Variants in CCSER1 observed in about 807,000 individuals in gnomAD.
The protein encoded by CCSER1 is coiled-coil serine rich protein 1.
Under a neutral mutation model 82.0 loss-of-function variants are expected in CCSER1, and 41 were observed. The ratio of observed to expected loss-of-function variants is 0.50; its 90% CI spans 0.39 to 0.65. CCSER1 has a LOEUF of 0.65. Among genes scored for constraint, CCSER1 ranks in the 30% least tolerant of loss-of-function variants. The pLI is 0.00. For missense variants in CCSER1, 1,119 were observed against 1,064.2 expected (o/e 1.05, Z -0.72); for synonymous variants, 414 against 383.9 (o/e 1.08, Z -0.92).
At chr4:90,971,368 T>A (rs1291413755) in intron 9 of CCSER1, among the ~76,000 whole-genome samples, 1 of 151,854 alleles carries the variant, frequency 6.6e-6, no homozygotes, top group Non-Finnish European at 1.5e-5. Flanking sequence ...GAGAACTCAC[T>A]CACTATCACA....
chr4:91,393,106 C>T (rs1018947599), intron 10 of CCSER1, among the ~76,000 whole-genome samples: 2 of 151,872 alleles, frequency 1.3e-5, no homozygotes, highest in African/African-American at 4.8e-5. Context: ...CTAAGCAAAT[C>T]TGAATCATGA....
intron 4 of CCSER1, among the ~76,000 whole-genome samples, chr4:90,428,111 A>G (rs28368521): frequency 0.018 from 2,682 of 151,948 alleles, 33 homozygotes; most frequent in African/African-American, 0.038. Flanking sequence ...AAACCAATAT[A>G]TCTGCTAAAA....
intron 10 of CCSER1, among the ~76,000 whole-genome samples, chr4:91,172,110 A>C (rs571822318): frequency 6.6e-6 from 1 of 152,188 alleles, no homozygotes; most frequent in Non-Finnish European, 1.5e-5. Context: ...AAAATCCCAT[A>C]TAAAATGATG....
chr4:90,705,691 T>A (rs995414419), intron 6 of CCSER1, among the ~76,000 whole-genome samples: 1 of 152,120 alleles, frequency 6.6e-6, no homozygotes, highest in African/African-American at 2.4e-5. Context: ...CCTCCCCCAG[T>A]CTCACTGCCT....
chr4:91,349,230 T>C (rs1300249302), intron 10 of CCSER1, among the ~76,000 whole-genome samples: 1 of 152,160 alleles, frequency 6.6e-6, no homozygotes, highest in Non-Finnish European at 1.5e-5. Context: ...TGATTCTCTT[T>C]TTTCAATTTA....
At chr4:91,075,881 G>A (rs1243698424) in intron 9 of CCSER1, among the ~76,000 whole-genome samples, 1 of 152,056 alleles carries the variant, frequency 6.6e-6, no homozygotes, top group Non-Finnish European at 1.5e-5. Context: ...GTCAATAAGA[G>A]TCAGTAAAAA....
At chr4:91,002,227 C>T (rs1167264273) in intron 9 of CCSER1, among the ~76,000 whole-genome samples, 6 of 152,200 alleles carry the variant, frequency 3.9e-5, no homozygotes, top group Non-Finnish European at 8.8e-5. Context: ...AGACAATGTG[C>T]TGAGGCAATG....
At position 91,297,385 on chromosome 4, in the gene CCSER1, A is replaced by ATGTGTGTGTG. The variant is rs57164334; in HGVS notation, c.2217+211421_2217+211430dup. On this transcript the variant is annotated intron_variant, in intron 10 of 10. Coordinates refer to ENST00000509176, the MANE Select transcript of CCSER1 (RefSeq NM_001145065.2). Reference sequence around the variant, plus strand: ...GATGCTTGTGTGTGTGTGTGTGTGTATGTGTGTGTGTGTGTGTGTGTGTGT... The same window carrying ATGTGTGTGTG: ...GATGCTTGTGTGTGTGTGTGTGTGTATGTGTGTGTGTGTGTGTGTGTGTGTGTGTGTGTGT... Among the ~76,000 whole-genome samples the ATGTGTGTGTG allele has an allele frequency of 5.1e-3, 607 of 118,032 alleles. 2 individuals are homozygous for ATGTGTGTGTG. Among genetic ancestry groups the ATGTGTGTGTG allele is most frequent in the Non-Finnish European group, 9.0e-3 (463 of 51,724 alleles). 77.4% of individuals were successfully genotyped at this position (118,032 alleles called of 152,430 possible). A position where few individuals can be genotyped will look rare whatever the true frequency, so the allele number is the denominator to read the frequency against.
At chr4:90,398,497 C>T (rs1034501015) in intron 3 of CCSER1, among the ~76,000 whole-genome samples, 1 of 152,246 alleles carries the variant, frequency 6.6e-6, no homozygotes, top group African/African-American at 2.4e-5. Flanking sequence ...TTGATAAACA[C>T]TCACATCAGT....
intron 9 of CCSER1, among the ~76,000 whole-genome samples, chr4:91,042,443 G>A (rs1251377932): frequency 6.6e-6 from 1 of 152,080 alleles, no homozygotes; most frequent in African/African-American, 2.4e-5. Context: ...ATAGCAGTAT[G>A]AAAACAGACT....
At chr4:91,455,319 A>T (rs1756094921) in intron 10 of CCSER1, among the ~76,000 whole-genome samples, 1 of 152,124 alleles carries the variant, frequency 6.6e-6, no homozygotes, top group Admixed American at 6.6e-5. Flanking sequence ...CTTTTCTCTC[A>T]AAAATTCATA....
intron 8 of CCSER1, among the ~76,000 whole-genome samples, chr4:90,911,016 T>C (rs1258126257): frequency 6.6e-6 from 1 of 152,212 alleles, no homozygotes; most frequent in Non-Finnish European, 1.5e-5. Flanking sequence ...AAGTATACTT[T>C]GATAATTACT....
intron 9 of CCSER1, among the ~76,000 whole-genome samples, chr4:90,936,546 A>G (rs1441624148): frequency 6.6e-6 from 1 of 152,090 alleles, no homozygotes; most frequent in African/African-American, 2.4e-5. Flanking sequence ...TGTTAGTATC[A>G]TATATTTTCA....
chr4:90,606,359 C>A (rs964017120), intron 5 of CCSER1, among the ~76,000 whole-genome samples: 1 of 152,100 alleles, frequency 6.6e-6, no homozygotes, highest in Non-Finnish European at 1.5e-5. Context: ...AGTTGTAATA[C>A]AATGGTAAAA....
intron 10 of CCSER1, among the ~76,000 whole-genome samples, chr4:91,501,073 C>A (rs905939981): frequency 1.3e-5 from 2 of 151,690 alleles, no homozygotes; most frequent in African/African-American, 4.8e-5. Context: ...TTAATATAGT[C>A]TGACCCTATA....
chr4:91,577,930 A>AG (rs922291667), intron 10 of CCSER1, among the ~76,000 whole-genome samples: 2 of 152,008 alleles, frequency 1.3e-5, no homozygotes, highest in Non-Finnish European at 2.9e-5. Context: ...TAAAAAAAAA[A>AG]GTTCTTGGAC....
chr4:91,286,146 A>G (rs140448006), intron 10 of CCSER1, among the ~76,000 whole-genome samples: 2,081 of 151,862 alleles, frequency 0.014, 25 homozygotes, highest in Non-Finnish European at 0.019. Flanking sequence ...ATAATTTGAA[A>G]TGGAATTTAG....
chr4:91,113,859 T>TG lies in CCSER1; in HGVS notation c.2217+27865_2217+27866insG, dbSNP rs1726306707. On this transcript the variant is annotated intron_variant, in intron 10 of 10. Coordinates refer to ENST00000509176, the MANE Select transcript of CCSER1 (RefSeq NM_001145065.2). The stretch of plus-strand genomic sequence containing the variant: ...AGCATTTGATATCTACATTTTTTTT[T>TG]TTTTCTTTTTTGATACGGAGTCTCG... Among the ~76,000 whole-genome samples, 3 of 152,064 alleles carry TG rather than the reference T, an allele frequency of 2.0e-5. No homozygotes were observed. The South Asian group carries it at 6.2e-4, about 31-fold the overall frequency.
intron 1 of CCSER1, among the ~76,000 whole-genome samples, chr4:90,233,403 C>G (rs983214544): frequency 3.9e-5 from 6 of 151,902 alleles, no homozygotes; most frequent in African/African-American, 1.5e-4. Context: ...TATTCTCACT[C>G]ATAGGTGGGA....
Sources: gnomAD v4.1 joint callset for allele counts (sites outside exome capture counted in the v4.1 genomes callset) on GRCh38, gnomAD v4.1.1 for gene constraint, MANE v1.5 for transcripts, NCBI Gene and HGNC (gene_info 2026-07-23, HGNC 2026-07-21) for gene names.